LAMB4: variants seen among roughly 807,000 people sequenced by gnomAD.
LAMB4 encodes laminin subunit beta 4.
A neutral mutation model predicts 199.2 loss-of-function variants in LAMB4; 196 were observed. The ratio of observed to expected loss-of-function variants is 0.98; its 90% CI spans 0.88 to 1.11. The LOEUF (loss-of-function observed/expected upper bound fraction) is 1.11. Among genes scored for constraint, LAMB4 ranks in the 50% least tolerant of loss-of-function variants. The pLI is 0.00. For synonymous variants in LAMB4, 744 were observed against 770.6 expected (o/e 0.97, Z 0.57); for missense variants, 2,080 against 2,171.2 (o/e 0.96, Z 0.83).
Position 108,063,892 on chromosome 7 carries a change from T to C in LAMB4, c.2930A>G (p.Asp977Gly). 6.2e-7 allele frequency: 1 copy of C among 1,614,136 alleles called. No individual in the cohort carries two copies. The highest frequency in any genetic ancestry group is 8.5e-7 in the Non-Finnish European group (1 of 1,180,018). The change falls in exon 22 of 34, where the codon GAT (aspartate) becomes GGT (glycine). Residue 977 changes from aspartate to glycine, a missense_variant. Coordinates refer to ENST00000388781, the MANE Select transcript of LAMB4 (RefSeq NM_007356.3). The stretch of plus-strand genomic sequence containing the variant: ...GCTGCAGGACTCTGGATCGGTTACA[T>C]CTATGTTGTTGTTGCAGGCACATGG... Reference protein sequence around the residue: ...CQPCACNNNIDVTDPESCSRV... With the variant: ...CQPCACNNNIGVTDPESCSRV...
chr7:108,015,920 G>A, the LAMB4 span, among the ~76,000 whole-genome samples: 41 of 152,096 alleles, frequency 2.7e-4, 1 homozygote, highest in African/African-American at 9.2e-4. Flanking sequence ...TTTCTATTTG[G>A]TTCGCTTTGT....
Position 108,063,802 on chromosome 7 carries a change from T to C in LAMB4, c.3020A>G (p.Lys1007Arg). ...NTQGANCQLC[K>R]PGHYGSALNQ... The stretch of plus-strand genomic sequence containing the variant: ...GAGGGCTGATCCATAGTGACCTGGT[T>C]TGCAGAGCTGGCAGTTTGCGCCCTG... The change falls in exon 22 of 34, where the codon AAA becomes AGA. Residue 1007 changes from lysine to arginine, a missense_variant. Lys to Arg is a conservative substitution (Grantham distance 26). Transcript: ENST00000388781. 1 of 1,614,214 alleles carries C rather than the reference T, an allele frequency of 6.2e-7. No homozygotes were observed. The highest frequency in any genetic ancestry group is 8.5e-7 in the Non-Finnish European group (1 of 1,180,026).
chr7:108,045,268 G>A (rs1175229978), intron 28 of LAMB4, among the ~76,000 whole-genome samples: 18 of 152,032 alleles, frequency 1.2e-4, no homozygotes, highest in Non-Finnish European at 2.5e-4. Context: ...GTGATACAGA[G>A]GAAATCTCAG....
chr7:108,102,966 G>T, intron 10 of LAMB4, 78 bp downstream of exon 10: 2 of 1,284,750 alleles, frequency 1.6e-6, no homozygotes, highest in Non-Finnish European at 2.1e-6. Flanking sequence ...AAGCAGATAA[G>T]GTGCGGGCAG....
Position 108,062,925 on chromosome 7 carries a change from T to G in LAMB4, c.3131A>C (p.Asp1044Ala), listed in dbSNP as rs1337529064. The change falls in exon 23 of 34, where the codon GAC becomes GCC. Residue 1044 changes from aspartate to alanine, a missense_variant. Asp to Ala is a moderately radical substitution (Grantham distance 126). Coordinates refer to ENST00000388781, the MANE Select transcript of LAMB4 (RefSeq NM_007356.3). ...CPPGGGACLCDPVTGACPCLP... is the reference protein window; with the variant it reads ...CPPGGGACLCAPVTGACPCLP... The stretch of plus-strand genomic sequence containing the variant: ...ACAAGGACATGCACCAGTGACAGGG[T>G]CACAGAGGCAAGCTCCCCCACCAGG... The G allele has an allele frequency of 4.4e-6, 7 of 1,606,418 alleles. No individual in the cohort carries two copies. Among genetic ancestry groups the G allele is most frequent in the Non-Finnish European group, 5.9e-6 (7 of 1,176,818 alleles).
chr7:108,040,258 A>T (rs2035375121), intron 29 of LAMB4, among the ~76,000 whole-genome samples: 1 of 152,188 alleles, frequency 6.6e-6, no homozygotes, highest in Non-Finnish European at 1.5e-5. Context: ...AAGAATCCAG[A>T]GGTGACTCAA....
At chr7:108,103,342 T>C (rs1294463514) in intron 9 of LAMB4, 110 bp from the exon 10 acceptor site, 1 of 890,380 alleles carries the variant, frequency 1.1e-6, no homozygotes, top group Admixed American at 2.8e-5. Context: ...TCCTGCCATT[T>C]CGTGTTCTTT....
At chr7:108,052,041 C>T in intron 26 of LAMB4, 56 bp downstream of exon 26, 1 of 1,484,466 alleles carries the variant, frequency 6.7e-7, no homozygotes, top group Non-Finnish European at 9.2e-7. Flanking sequence ...ATGGAATGCA[C>T]TGTGGATTTC....
intron 23 of LAMB4, among the ~76,000 whole-genome samples, chr7:108,061,793 T>C (rs995866908): frequency 1.3e-5 from 2 of 149,412 alleles, no homozygotes; most frequent in Admixed American, 1.3e-4. Context: ...TGGATGAGGA[T>C]TGGAGAGAAA....
At chr7:108,116,250 GTATT>G in intron 2 of LAMB4, 89 bp from the exon 3 acceptor site, 1 of 1,249,646 alleles carries the variant, frequency 8.0e-7, no homozygotes, top group Non-Finnish European at 1.1e-6. Context: ...GGAAAGTTAT[GTATT>G]TATTTAATAT....
In LAMB4 at chr7:108,123,142, A is replaced by G; in HGVS notation, c.23T>C (p.Phe8Ser). 6.2e-7 allele frequency: 1 copy of G among 1,610,912 alleles called. No individual in the cohort carries two copies. Among genetic ancestry groups the G allele is most frequent in the Non-Finnish European group, 8.5e-7 (1 of 1,179,240 alleles). The change falls in exon 2 of 34, where the codon TTT becomes TCT. Residue 8 changes from phenylalanine to serine, a missense_variant. Transcript: ENST00000388781. ...CAACAAATACTCACCAAGGTGCAAA[A>G]AAAGGGTCAGTTGAAATTGCATTCT... MQFQLTL[F>S]LHLGWLSYSK...
chr7:108,056,971 C>CAAAAAAAAAAAAAAAAAAAAAA (rs553536221), intron 24 of LAMB4, among the ~76,000 whole-genome samples: 1 of 51,816 alleles, frequency 1.9e-5, no homozygotes, highest in Non-Finnish European at 4.0e-5. Context: ...GACCCTGTCT[C>CAAAAAAAAAAAAAAAAAAAAAA]AAAAAAAAAA....
chr7:108,118,411 G>T (rs954990487), intron 2 of LAMB4, among the ~76,000 whole-genome samples: 2 of 152,050 alleles, frequency 1.3e-5, no homozygotes, highest in African/African-American at 4.8e-5. Flanking sequence ...AACAGACTGC[G>T]ATTTTGGCAG....
rs2036726383 is a variant in LAMB4, at chr7:108,076,974, G to A, written c.2094C>T (p.Ser698=). The part of the protein sequence containing the change: ...VYFSQPLQGE[S]HAHSHVLVDS... ...CCACCAGGACATGTGAATGAGCGTG[G>A]GACTCTCCTTGCAAAGGCTGAGAAA... Residue 698 remains serine, a synonymous_variant, in exon 17 of 34, where the codon TCC becomes TCT. Coordinates refer to ENST00000388781, the MANE Select transcript of LAMB4 (RefSeq NM_007356.3). 1 of 1,613,874 alleles carries A rather than the reference G, an allele frequency of 6.2e-7. No homozygotes were observed. The highest frequency in any genetic ancestry group is 8.5e-7 in the Non-Finnish European group (1 of 1,179,934).
intron 23 of LAMB4, among the ~76,000 whole-genome samples, chr7:108,062,012 G>T (rs1035124268): frequency 6.6e-6 from 1 of 151,936 alleles, no homozygotes; most frequent in Non-Finnish European, 1.5e-5. Context: ...AACATTTCTT[G>T]TCATTGTTTT....
chr7:108,125,494 C>T (rs530408459), intron 1 of LAMB4, among the ~76,000 whole-genome samples: 49 of 152,326 alleles, frequency 3.2e-4, no homozygotes, highest in African/African-American at 1.2e-3. Flanking sequence ...AGTGAGATGA[C>T]AATCTCTGTG....
In LAMB4 at chr7:108,029,155, AC is replaced by A; in HGVS notation, c.5033del (p.Arg1678LeufsTer8). ...TTGTTAGTCCTGTAGTGCTTGTCTTACGTTGGAGAATAGCATATTGTTTTTT... is the reference window on the plus strand; with the variant it reads ...TTGTTAGTCCTGTAGTGCTTGTCTTAGTTGGAGAATAGCATATTGTTTTTT... ...ELKKQYAILQ[R>X]KTSTTGLTKE... is the part of the protein sequence containing the mutation. On this transcript the variant is annotated frameshift_variant, in exon 33 of 34. Transcript: ENST00000388781. LOFTEE classifies it high-confidence loss of function. 6.2e-7 allele frequency: 1 copy of A among 1,613,452 alleles called. No individual in the cohort carries two copies. Among genetic ancestry groups the A allele is most frequent in the Non-Finnish European group, 8.5e-7 (1 of 1,179,824 alleles).
the LAMB4 span, among the ~76,000 whole-genome samples, chr7:108,016,907 T>TA: frequency 9.2e-5 from 14 of 152,218 alleles, no homozygotes; most frequent in Non-Finnish European, 1.6e-4. Flanking sequence ...ATAGCACACT[T>TA]AATCTGTTGC....
intron 15 of LAMB4, among the ~76,000 whole-genome samples, chr7:108,078,771 G>C (rs1370052855): frequency 6.6e-6 from 1 of 152,194 alleles, no homozygotes; most frequent in Non-Finnish European, 1.5e-5. Context: ...TCTCTCTACA[G>C]ATAAATTAAT....
Sources: allele counts gnomAD v4.1 joint callset (sites outside exome capture counted in the v4.1 genomes callset), GRCh38; gene constraint gnomAD v4.1.1; transcripts MANE v1.5; gene names NCBI Gene and HGNC (gene_info 2026-07-23, HGNC 2026-07-21).